TLR2: variants seen among roughly 807,000 people sequenced by gnomAD.
The protein encoded by TLR2 is toll-like receptor 2.
In TLR2, 7 loss-of-function variants were observed where a neutral mutation model predicts 9.1. That is an observed-to-expected ratio of 0.77 (90% CI 0.44 to 1.44). The LOEUF is 1.44. Ranked by LOEUF, TLR2 falls within the 40% of genes most tolerant of loss-of-function variation. The pLI is 0.01. For synonymous variants in TLR2, 317 were observed against 344.6 expected (o/e 0.92, Z 0.89); for missense variants, 812 against 904.6 (o/e 0.90, Z 1.31).
intron 2 of TLR2, among the ~76,000 whole-genome samples, chr4:153,695,330 A>G (rs1463852496): frequency 2.6e-5 from 4 of 152,202 alleles, no homozygotes; most frequent in Non-Finnish European, 2.9e-5. Context: ...ACATCCTTGC[A>G]GCATTTTTAT....
At chr4:153,695,257 C>T (rs1047481200) in intron 2 of TLR2, among the ~76,000 whole-genome samples, 1 of 152,182 alleles carries the variant, frequency 6.6e-6, no homozygotes, top group African/African-American at 2.4e-5. Flanking sequence ...AAATTGTTCT[C>T]CATAGTGGTT....
intron 2 of TLR2, among the ~76,000 whole-genome samples, chr4:153,698,029 A>G (rs1027731157): frequency 1.3e-5 from 2 of 152,178 alleles, no homozygotes; most frequent in Non-Finnish European, 2.9e-5. Flanking sequence ...TTACTCTGGT[A>G]CTTTCCGGAA....
chr4:153,701,547 G>A (rs545812728), intron 2 of TLR2: 9 of 152,176 alleles, frequency 5.9e-5, no homozygotes, highest in Non-Finnish European at 1.0e-4. Context: ...AAAGTGAAAA[G>A]GCAACCGCAG....
chr4:153,704,954 A>T lies in TLR2; in HGVS notation c.2047A>T (p.Lys683Ter), dbSNP rs1255154609. The T allele has an allele frequency of 3.7e-6, 6 of 1,613,016 alleles. No individual in the cohort carries two copies. Among genetic ancestry groups the T allele is most frequent in the Admixed American group, 1.7e-5 (1 of 60,028 alleles). The change falls in exon 3 of 3, where the codon AAG becomes TAG. Residue 683 changes from lysine to a stop codon, truncating the protein, a stop_gained. Transcript: ENST00000642700. LOFTEE classifies it high-confidence loss of function. Reference protein sequence around the residue: ...CLHKRDFIPGKWIIDNIIDSI... With the variant: ...CLHKRDFIPG ...TCATAAGCGGGACTTCATTCCTGGC[A>T]AGTGGATCATTGACAATATCATTGA...
At chr4:153,709,621 A>G (rs1390634376), downstream of TLR2, among the ~76,000 whole-genome samples, 2 of 152,264 alleles carry the variant, frequency 1.3e-5, no homozygotes, top group Non-Finnish European at 2.9e-5. Context: ...GGAGAAGACA[A>G]TAAATTTATG....
At chr4:153,691,962 C>T (rs991171885) in intron 2 of TLR2, among the ~76,000 whole-genome samples, 14 of 152,100 alleles carry the variant, frequency 9.2e-5, no homozygotes, top group African/African-American at 3.1e-4. Context: ...GGGGGCAGCA[C>T]AAAGTATATT....
Position 153,702,763 on chromosome 4 carries a change from TGTGTGTG to T in TLR2, c.-16-128_-16-122del, listed in dbSNP as rs1165275483. 10 of 26,900 alleles carry T rather than the reference TGTGTGTG, an allele frequency of 3.7e-4. No homozygotes were observed. The African/African-American group carries it at 5.1e-3, about 14-fold the overall frequency. 1.7% of individuals were successfully genotyped at this position (26,900 alleles called of 1,614,324 possible). ...ATCTGTTTCTCTCTCTCTCTCTCTT[TGTGTGTG>T]TGTGTGTGTGTGTGTGTGTGTGTGT... is the stretch of plus-strand genomic sequence containing the variant. On this transcript the variant is annotated intron_variant, in intron 2 of 2. Coordinates refer to ENST00000642700, the MANE Select transcript of TLR2 (RefSeq NM_001318789.2).
Position 153,691,732 on chromosome 4 carries a change from C to T in TLR2, c.-17+3685C>T, listed in dbSNP as rs182864485. On this transcript the variant is annotated intron_variant, in intron 2 of 2. Coordinates refer to ENST00000642700, the MANE Select transcript of TLR2 (RefSeq NM_001318789.2). ...GGGAATGCCTAGAGCAGGTCATATC[C>T]GATTAATGTCCCCTAGTAATTTTTG... Among the ~76,000 whole-genome samples, 24 of 152,206 alleles carry T rather than the reference C, an allele frequency of 1.6e-4. 1 individual carries two copies. The East Asian group carries it at 3.3e-3, about 21-fold the overall frequency.
At chr4:153,694,167 G>C (rs186316628) in intron 2 of TLR2, among the ~76,000 whole-genome samples, 1 of 152,236 alleles carries the variant, frequency 6.6e-6, no homozygotes, top group Admixed American at 6.5e-5. Flanking sequence ...AAAACAAAGC[G>C]ATGGGCTCTG....
downstream of TLR2, chr4:153,710,228 C>G: frequency 1.7e-6 from 1 of 603,146 alleles, no homozygotes. Flanking sequence ...TAAATTCTTT[C>G]CACATGGACA....
At chr4:153,707,019 A>G (rs75252006), downstream of TLR2, among the ~76,000 whole-genome samples, 1,070 of 152,214 alleles carry the variant, frequency 7.0e-3, 14 homozygotes, top group Non-Finnish European at 0.01. Flanking sequence ...TCTGTAGTAG[A>G]TGTTAGCTAT....
intron 2 of TLR2, among the ~76,000 whole-genome samples, chr4:153,693,591 T>A (rs1161384566): frequency 6.6e-6 from 1 of 152,156 alleles, no homozygotes; most frequent in African/African-American, 2.4e-5. Context: ...TGCTTCGAAA[T>A]AATGAGGGGG....
chr4:153,691,488 A>G (rs1736111638), intron 2 of TLR2, among the ~76,000 whole-genome samples: 1 of 152,232 alleles, frequency 6.6e-6, no homozygotes. Flanking sequence ...GCCACTGTAC[A>G]AAGTCTTGCT....
intron 2 of TLR2, among the ~76,000 whole-genome samples, chr4:153,690,531 C>A (rs1443437059): frequency 6.6e-6 from 1 of 152,138 alleles, no homozygotes; most frequent in African/African-American, 2.4e-5. Flanking sequence ...GGCATGTAGC[C>A]CAGACAAAGT....
rs532751942 is a variant in TLR2 at position 153,685,743 on chromosome 4, C to G, written c.-163+1383C>G. Reference sequence around the variant, plus strand: ...TTTGGGGTACAGTTTTATTGATAAACTAACAGAGTAGAAAAAATCTAATGG... The same window carrying G: ...TTTGGGGTACAGTTTTATTGATAAAGTAACAGAGTAGAAAAAATCTAATGG... On this transcript the variant is annotated intron_variant, in intron 1 of 2. Transcript: ENST00000642700. 3.9e-4 allele frequency among the ~76,000 whole-genome samples: 59 copies of G among 152,044 alleles called. No homozygotes were observed. In the Middle Eastern group the frequency reaches 0.01, roughly 26 times the overall value.
Position 153,705,290 on chromosome 4 carries a change from C to A in TLR2, c.*28C>A. The A allele has an allele frequency of 6.6e-7, 1 of 1,522,722 alleles. No individual in the cohort carries two copies. Among genetic ancestry groups the A allele is most frequent in the South Asian group, 1.3e-5 (1 of 75,830 alleles). The allele number at this position is 1,522,722 out of a possible 1,614,324, so 94.3% of individuals were successfully genotyped here. On this transcript the variant is annotated 3_prime_UTR_variant, in exon 3 of 3. Coordinates refer to ENST00000642700, the MANE Select transcript of TLR2 (RefSeq NM_001318789.2). ...TCCCATATTTAAGACCAGTCTTTGT[C>A]TAGTTGGGATCTTTATGTCACTAGT...
intron 2 of TLR2, among the ~76,000 whole-genome samples, chr4:153,701,105 T>G (rs187091246): frequency 6.6e-6 from 1 of 152,300 alleles, no homozygotes; most frequent in African/African-American, 2.4e-5. Context: ...ATATAAAATA[T>G]AAGAACATCT....
chr4:153,693,250 G>A (rs1272884382), intron 2 of TLR2, among the ~76,000 whole-genome samples: 1 of 152,114 alleles, frequency 6.6e-6, no homozygotes, highest in African/African-American at 2.4e-5. Context: ...CATCCCCGCT[G>A]GCATCATCTG....
chr4:153,709,015 T>C (rs1737422255), downstream of TLR2, among the ~76,000 whole-genome samples: 1 of 152,150 alleles, frequency 6.6e-6, no homozygotes, highest in Admixed American at 6.5e-5. Flanking sequence ...TCCTCTCCAC[T>C]GTGGAGAGCT....
Sources: allele counts gnomAD v4.1 joint callset (sites outside exome capture counted in the v4.1 genomes callset), GRCh38; gene constraint gnomAD v4.1.1; transcripts MANE v1.5; gene names NCBI Gene and HGNC (gene_info 2026-07-23, HGNC 2026-07-21).